PCDHA4: variants seen among roughly 807,000 people sequenced by gnomAD.
The protein encoded by PCDHA4 is protocadherin alpha-4.
Under a neutral mutation model 61.4 loss-of-function variants are expected in PCDHA4, and 49 were observed. The observed-to-expected ratio is 0.80, with a 90% CI of 0.63 to 1.01. The LOEUF (loss-of-function observed/expected upper bound fraction) is 1.01. Ranked by LOEUF, PCDHA4 falls within the 50% of genes least tolerant of loss-of-function variation. The pLI is 0.00. For synonymous variants in PCDHA4, 590 were observed against 550.3 expected, an observed-to-expected ratio of 1.07 and a Z score of -1.01; for missense variants, 1,254 against 1,235.8, an observed-to-expected ratio of 1.01 and a Z score of -0.22.
At chr5:140,823,596 G>A (rs2150127281) in intron 1 of PCDHA4, 38 of 1,613,902 alleles carry the variant, frequency 2.4e-5, no homozygotes, top group South Asian at 1.1e-5. Flanking sequence ...CTTGGCTTTC[G>A]TATGAGCTGC....
intron 1 of PCDHA4, chr5:140,842,708 T>A: frequency 6.3e-7 from 1 of 1,595,132 alleles, no homozygotes. Flanking sequence ...GTACACGGTG[T>A]TCGTGAAGGA....
chr5:140,866,355 C>T (rs1031469942), intron 1 of PCDHA4: 16 of 152,086 alleles, frequency 1.1e-4, no homozygotes, highest in African/African-American at 3.6e-4. Flanking sequence ...GAAATGTTTA[C>T]AATATTGCAT....
rs1554158025 is a variant in PCDHA4, at chr5:140,863,249, T to G, written c.2385+53677T>G. On this transcript the variant is annotated intron_variant, in intron 1 of 3. Transcript: ENST00000530339. ...GTCCCATCGCGGGCTTTGGCGGGCGTCGAGGTCCGGGAGGCAGCGCTGGTG... is the reference window on the plus strand; with the variant it reads ...GTCCCATCGCGGGCTTTGGCGGGCGGCGAGGTCCGGGAGGCAGCGCTGGTG... The G allele has an allele frequency of 2.8e-6, 4 of 1,406,824 alleles. No homozygotes were observed. In the Admixed American group the frequency reaches 7.2e-5, roughly 25 times the overall value. The allele number at this position is 1,406,824 out of a possible 1,614,324, so 87.1% of individuals were successfully genotyped here.
At chr5:140,910,679 A>G (rs1554194364) in intron 1 of PCDHA4, among the ~76,000 whole-genome samples, 1 of 152,208 alleles carries the variant, frequency 6.6e-6, no homozygotes, top group East Asian at 1.9e-4. Context: ...AAGGGAGATC[A>G]GGCATTTCCA....
At chr5:140,823,382 C>T in intron 1 of PCDHA4, 2 of 1,612,792 alleles carry the variant, frequency 1.2e-6, no homozygotes, top group Non-Finnish European at 1.7e-6. Flanking sequence ...CAGGTGAGCG[C>T]GCGCGACGCG....
intron 1 of PCDHA4, chr5:140,860,474 TA>T (rs1293657242): frequency 6.6e-6 from 1 of 152,154 alleles, no homozygotes; most frequent in African/African-American, 2.4e-5. Context: ...GTTGGTGCAG[TA>T]GTACTTTATT....
chr5:140,939,863 G>C (rs2092478768), intron 1 of PCDHA4, among the ~76,000 whole-genome samples: 1 of 152,064 alleles, frequency 6.6e-6, no homozygotes, highest in Non-Finnish European at 1.5e-5. Flanking sequence ...ATGTCCATTA[G>C]GTCATCTTTG....
intron 1 of PCDHA4, chr5:140,828,939 G>A: frequency 6.2e-7 from 1 of 1,614,232 alleles, no homozygotes; most frequent in Non-Finnish European, 8.5e-7. Context: ...TCTTTTAATA[G>A]CCTTGTTGCA....
chr5:140,979,411 T>C (rs1422593406), intron 2 of PCDHA4, among the ~76,000 whole-genome samples: 1 of 152,204 alleles, frequency 6.6e-6, no homozygotes, highest in Non-Finnish European at 1.5e-5. Flanking sequence ...CTACCTTGTT[T>C]TTTTTTTAAT....
intron 1 of PCDHA4, chr5:140,876,718 G>T (rs1554168825): frequency 1.9e-6 from 3 of 1,614,124 alleles, no homozygotes; most frequent in African/African-American, 1.3e-5. Flanking sequence ...CCTGGACCGC[G>T]AGAGCGTGTC....
chr5:140,829,714 C>A (rs1316878813), intron 1 of PCDHA4: 14 of 1,613,308 alleles, frequency 8.7e-6, no homozygotes, highest in Admixed American at 1.7e-5. Flanking sequence ...GCGACGCGGG[C>A]GTGCCGCCTC....
intron 1 of PCDHA4, among the ~76,000 whole-genome samples, chr5:140,840,839 T>C (rs1165670429): frequency 6.6e-6 from 1 of 152,038 alleles, no homozygotes; most frequent in Non-Finnish European, 1.5e-5. Context: ...TAAATATTAA[T>C]GCATTTCTTC....
rs2150131362 is a variant in PCDHA4 at position 140,824,004 on chromosome 5, G to T, written c.2385+14432G>T. On this transcript the variant is annotated intron_variant, in intron 1 of 3. Transcript: ENST00000530339. ...AGCCCACTCTGTTGTGCTCCAGCGCGGTGGGGAGCTGGTCGTACTCGCAGC... is the reference window on the plus strand; with the variant it reads ...AGCCCACTCTGTTGTGCTCCAGCGCTGTGGGGAGCTGGTCGTACTCGCAGC... The T allele has an allele frequency of 3.1e-6, 5 of 1,614,112 alleles. No individual in the cohort carries two copies. The East Asian group carries it at 1.1e-4, about 36-fold the overall frequency.
chr5:140,928,990 C>CT, intron 1 of PCDHA4: 2 of 1,613,884 alleles, frequency 1.2e-6, no homozygotes, highest in African/African-American at 1.3e-5. Context: ...GGGGTGCTTA[C>CT]TTTTCTTCGT....
At chr5:141,004,935 A>AATTTCTT (rs2098189293) in intron 3 of PCDHA4, among the ~76,000 whole-genome samples, 1 of 152,112 alleles carries the variant, frequency 6.6e-6, no homozygotes, top group African/African-American at 2.4e-5. Context: ...GAGAGAAGAA[A>AATTTCTT]ATTTCTTACC....
Position 140,941,473 on chromosome 5 carries a change from G to A in PCDHA4, c.2386-37476G>A, listed in dbSNP as rs192163900. Among the ~76,000 whole-genome samples, 149 of 151,018 alleles carry A rather than the reference G, an allele frequency of 9.9e-4. 1 individual carries two copies. Among genetic ancestry groups the A allele is most frequent in the African/African-American group, 3.5e-3 (143 of 41,138 alleles). Reference sequence around the variant, plus strand: ...TGGGATTACAGGCGCCCACCACCACGCCTGGCTAATTTTTTGTATTTTTAG... The same window carrying A: ...TGGGATTACAGGCGCCCACCACCACACCTGGCTAATTTTTTGTATTTTTAG... On this transcript the variant is annotated intron_variant, in intron 1 of 3. Coordinates refer to ENST00000530339, the MANE Select transcript of PCDHA4 (RefSeq NM_018907.4).
Position 141,010,924 on chromosome 5 carries a change from T to G in PCDHA4, c.*987T>G, listed in dbSNP as rs1016736721. 1 of 153,778 alleles carries G rather than the reference T, an allele frequency of 6.5e-6. No homozygotes were observed. Among genetic ancestry groups the G allele is most frequent in the Non-Finnish European group, 1.5e-5 (1 of 68,046 alleles). 9.5% of individuals were successfully genotyped at this position (153,778 alleles called of 1,614,324 possible). A position where few individuals can be genotyped will look rare whatever the true frequency, so the allele number is the denominator to read the frequency against. Reference sequence around the variant, plus strand: ...CCCCTAAACTCTCCTCAAAAGAGAATTCAGTCTACAGCCATTTAAATGATC... The same window carrying G: ...CCCCTAAACTCTCCTCAAAAGAGAAGTCAGTCTACAGCCATTTAAATGATC... On this transcript the variant is annotated 3_prime_UTR_variant, in exon 4 of 4. Transcript: ENST00000530339.
At chr5:140,893,264 A>G (rs1554185566) in intron 1 of PCDHA4, among the ~76,000 whole-genome samples, 1 of 152,172 alleles carries the variant, frequency 6.6e-6, no homozygotes, top group East Asian at 1.9e-4. Flanking sequence ...ATAAATGCCC[A>G]ATAGTGGAAT....
rs782332920 is a variant in PCDHA4 at position 140,856,198 on chromosome 5, C to T, written c.2385+46626C>T. 1.9e-6 allele frequency: 3 copies of T among 1,597,984 alleles called. No homozygotes were observed. In the East Asian group the frequency reaches 6.7e-5, roughly 36 times the overall value. On this transcript the variant is annotated intron_variant, in intron 1 of 3. Transcript: ENST00000530339. ...CCTTCGTGGGCCGCATCGCGCAGGA[C>T]CTGGGGCTGGAGCTGGCGGAGCTGG...
Sources: allele counts gnomAD v4.1 joint callset (sites outside exome capture counted in the v4.1 genomes callset), GRCh38; gene constraint gnomAD v4.1.1; transcripts MANE v1.5; gene names NCBI Gene and HGNC (gene_info 2026-07-23, HGNC 2026-07-21).